The following SGCD variants were observed in gnomAD, a reference collection of about 807,000 sequenced individuals.
SGCD encodes sarcoglycan delta.
In SGCD, 18 loss-of-function variants were observed where a neutral mutation model predicts 36.6. That is an observed-to-expected ratio of 0.49 (90% CI 0.34 to 0.73). The LOEUF (loss-of-function observed/expected upper bound fraction) is 0.73. Among genes scored for constraint, SGCD ranks in the 30% least tolerant of loss-of-function variants. The pLI is 0.01. For synonymous variants in SGCD, 133 were observed against 130.6 expected (o/e 1.02, Z -0.12); for missense variants, 387 against 346.7 (o/e 1.12, Z -0.92).
At chr5:155,970,301 G>A (rs1757983131) in intron 1 of SGCD, among the ~76,000 whole-genome samples, 1 of 152,076 alleles carries the variant, frequency 6.6e-6, no homozygotes, top group Non-Finnish European at 1.5e-5. Flanking sequence ...TCCAGTAGAT[G>A]TTGCTTGTGT....
the SGCD span, among the ~76,000 whole-genome samples, chr5:155,823,062 A>ATATCTATCTATCTATCTATCTATCTATC: frequency 6.9e-6 from 1 of 145,172 alleles, no homozygotes; most frequent in Non-Finnish European, 1.5e-5. Context: ...CTATATCTCT[A>ATATCTATCTATCTATCTATCTATCTATC]TATCTATCTA....
At chr5:155,797,480 T>A in the SGCD span, among the ~76,000 whole-genome samples, 2 of 152,236 alleles carry the variant, frequency 1.3e-5, no homozygotes, top group African/African-American at 4.8e-5. Flanking sequence ...TATTCAAAAC[T>A]GTTTTGTAGG....
intron 6 of SGCD, among the ~76,000 whole-genome samples, chr5:156,600,283 A>T (rs908384554): frequency 5.9e-5 from 9 of 152,124 alleles, no homozygotes; most frequent in Admixed American, 4.6e-4. Context: ...TGCAACTTTT[A>T]TCCATTAACC....
At chr5:155,734,314 C>T in the SGCD span, among the ~76,000 whole-genome samples, 1 of 151,804 alleles carries the variant, frequency 6.6e-6, no homozygotes, top group African/African-American at 2.4e-5. Flanking sequence ...AAACCATCCT[C>T]CCACTGCAGC....
chr5:156,072,831 T>G lies in SGCD; in HGVS notation c.-281-45047T>G, dbSNP rs188235405. On this transcript the variant is annotated intron_variant, in intron 1 of 9. Transcript: ENST00000517913. ...ATTTCTTGGCGGCTTTGTTTGTTTC[T>G]TTTTGTTCTTTTTTCTCTAAACTTC... 2.6e-5 allele frequency among the ~76,000 whole-genome samples: 4 copies of G among 152,320 alleles called. No homozygotes were observed. In the East Asian group the frequency reaches 7.7e-4, roughly 29 times the overall value.
chr5:156,018,581 T>A (rs1013475364), intron 1 of SGCD, among the ~76,000 whole-genome samples: 3 of 152,202 alleles, frequency 2.0e-5, no homozygotes, highest in African/African-American at 4.8e-5. Flanking sequence ...AAAATGGTAC[T>A]CCTTCATCCA....
intron 3 of SGCD, among the ~76,000 whole-genome samples, chr5:156,384,799 T>C (rs1382837482): frequency 6.6e-6 from 1 of 152,224 alleles, no homozygotes; most frequent in African/African-American, 2.4e-5. Context: ...AAATTGTGCC[T>C]TTTGTTTATG....
At chr5:155,888,682 C>T (rs1756059817) in intron 1 of SGCD, among the ~76,000 whole-genome samples, 1 of 152,086 alleles carries the variant, frequency 6.6e-6, no homozygotes, top group Non-Finnish European at 1.5e-5. Flanking sequence ...GTGTCTCTAT[C>T]TTCAGATGAA....
At chr5:155,811,282 G>C in the SGCD span, among the ~76,000 whole-genome samples, 1 of 151,782 alleles carries the variant, frequency 6.6e-6, no homozygotes, top group Non-Finnish European at 1.5e-5. Flanking sequence ...ATTCCACAGA[G>C]CAACAACAAC....
chr5:155,968,886 T>C (rs1038856602), intron 1 of SGCD, among the ~76,000 whole-genome samples: 2 of 152,134 alleles, frequency 1.3e-5, no homozygotes, highest in African/African-American at 4.8e-5. Flanking sequence ...CATACAGCAA[T>C]ATATAGTTTT....
At chr5:155,776,714 A>G in the SGCD span, among the ~76,000 whole-genome samples, 1 of 143,262 alleles carries the variant, frequency 7.0e-6, no homozygotes, top group Non-Finnish European at 1.5e-5. Flanking sequence ...TTGGAAGAGG[A>G]TAGTTTTCTG....
chr5:156,167,624 A>C (rs1453178671), intron 3 of SGCD, among the ~76,000 whole-genome samples: 1 of 152,142 alleles, frequency 6.6e-6, no homozygotes, highest in African/African-American at 2.4e-5. Context: ...TGGTTGTTAA[A>C]AAAGTCTGGG....
At chr5:156,574,669 C>G (rs935071696) in intron 4 of SGCD, among the ~76,000 whole-genome samples, 2 of 152,106 alleles carry the variant, frequency 1.3e-5, no homozygotes, top group Admixed American at 1.3e-4. Flanking sequence ...GGTCATACCT[C>G]CTTCAAATCA....
chr5:156,702,876 A>G (rs1754580403), intron 7 of SGCD, among the ~76,000 whole-genome samples: 1 of 152,188 alleles, frequency 6.6e-6, no homozygotes, highest in Non-Finnish European at 1.5e-5. Context: ...CCTCCAGAGC[A>G]AAGTGCAGCC....
chr5:156,367,419 C>T (rs1300130650), intron 3 of SGCD, among the ~76,000 whole-genome samples: 2 of 152,108 alleles, frequency 1.3e-5, no homozygotes, highest in East Asian at 3.9e-4. Context: ...TTTTCCAAAC[C>T]TTGAGAGGAA....
At chr5:156,265,730 C>T (rs1052098007) in intron 3 of SGCD, among the ~76,000 whole-genome samples, 1 of 151,516 alleles carries the variant, frequency 6.6e-6, no homozygotes, top group Non-Finnish European at 1.5e-5. Context: ...CATGTGGGCC[C>T]CATAATTTAT....
At chr5:156,452,183 A>G (rs1383765054) in intron 3 of SGCD, among the ~76,000 whole-genome samples, 1 of 151,912 alleles carries the variant, frequency 6.6e-6, no homozygotes, top group Non-Finnish European at 1.5e-5. Flanking sequence ...CCACTGCCCA[A>G]TTTTCATGCT....
At chr5:156,224,149 C>T (rs570798260) in intron 3 of SGCD, among the ~76,000 whole-genome samples, 1 of 151,804 alleles carries the variant, frequency 6.6e-6, no homozygotes, top group Non-Finnish European at 1.5e-5. Context: ...AGTTTTTACC[C>T]CTAATCTATA....
chr5:156,538,261 G>A (rs530462565), intron 4 of SGCD, among the ~76,000 whole-genome samples: 1 of 152,114 alleles, frequency 6.6e-6, no homozygotes, highest in African/African-American at 2.4e-5. Context: ...TGCAATGAAA[G>A]GATGTTGTTT....
Sources: gnomAD v4.1 joint callset for allele counts (sites outside exome capture counted in the v4.1 genomes callset) on GRCh38, gnomAD v4.1.1 for gene constraint, MANE v1.5 for transcripts, NCBI Gene and HGNC (gene_info 2026-07-23, HGNC 2026-07-21) for gene names.